Variants in SUPT20H observed in about 807,000 individuals in gnomAD.
The protein encoded by SUPT20H is SPT20 homolog, SAGA complex component.
A neutral mutation model predicts 122.8 loss-of-function variants in SUPT20H; 82 were observed. That is an observed-to-expected ratio of 0.67 (90% CI 0.56 to 0.80). SUPT20H has a LOEUF of 0.80. Ranked by LOEUF, SUPT20H falls within the 30% of genes least tolerant of loss-of-function variation. The pLI is 0.00. For synonymous variants in SUPT20H, 291 were observed against 313.0 expected (o/e 0.93, Z 0.74); for missense variants, 831 against 921.6 (o/e 0.90, Z 1.27).
At chr13:37,043,332 C>T (rs2065835760) in intron 7 of SUPT20H, among the ~76,000 whole-genome samples, 1 of 152,090 alleles carries the variant, frequency 6.6e-6, no homozygotes, top group Non-Finnish European at 1.5e-5. Flanking sequence ...GTAGAGTACA[C>T]AGTATGGCTG....
rs1365927807 is a variant in SUPT20H at position 37,040,541 on chromosome 13, A to C, written c.513+35T>G. 4 of 1,600,764 alleles carry C rather than the reference A, an allele frequency of 2.5e-6. 1 individual carries two copies. In the South Asian group the frequency reaches 4.5e-5, roughly 18 times the overall value. ...TCGATAAATAAAACTCCCAACTAAA[A>C]TCTAAAATAGTATTTCTTAATTAAA... is the stretch of plus-strand genomic sequence containing the variant. On this transcript the variant is annotated intron_variant, in intron 8 of 25. Transcript: ENST00000350612.
chr13:37,049,664 G>A (rs779312427), intron 2 of SUPT20H, among the ~76,000 whole-genome samples: 15 of 152,080 alleles, frequency 9.9e-5, no homozygotes, highest in African/African-American at 1.2e-4. Context: ...ACTTGAACCC[G>A]GGAGGCAGAG....
intron 14 of SUPT20H, among the ~76,000 whole-genome samples, chr13:37,027,761 T>A (rs886096588): frequency 3.1e-4 from 47 of 152,178 alleles, no homozygotes; most frequent in Non-Finnish European, 6.5e-4. Flanking sequence ...TGTCCTTACA[T>A]GCAGTGCCAA....
intron 24 of SUPT20H, among the ~76,000 whole-genome samples, chr13:37,011,447 TAA>T (rs2059610219): frequency 6.6e-6 from 1 of 152,184 alleles, no homozygotes; most frequent in Non-Finnish European, 1.5e-5. Flanking sequence ...ATTATCATTC[TAA>T]AAGACTTCTA....
intron 19 of SUPT20H, chr13:37,023,812 C>A: frequency 2.6e-6 from 1 of 378,596 alleles, no homozygotes; most frequent in Non-Finnish European, 4.6e-6. Flanking sequence ...AAGAAAGGTA[C>A]ACGCAGAATG....
At chr13:37,028,609 TATA>T (rs1380407474) in intron 13 of SUPT20H, among the ~76,000 whole-genome samples, 2 of 152,134 alleles carry the variant, frequency 1.3e-5, no homozygotes, top group East Asian at 1.9e-4. Flanking sequence ...TTGATATACA[TATA>T]ATAACAATGA....
chr13:37,047,382 A>G (rs2066681287), intron 5 of SUPT20H, 153 bp downstream of exon 5: 2 of 785,460 alleles, frequency 2.5e-6, no homozygotes, highest in Non-Finnish European at 3.6e-6. Flanking sequence ...CAGATTAGCC[A>G]GAGCTCTGAG....
intron 9 of SUPT20H, among the ~76,000 whole-genome samples, chr13:37,036,327 G>GT (rs35437054): frequency 0.56 from 70,155 of 126,090 alleles, 16,400 homozygotes; most frequent in Middle Eastern, 0.61. Flanking sequence ...TTAAACTGGA[G>GT]TTTTTTTTTT....
chr13:37,020,681 T>C (rs998051338), intron 21 of SUPT20H, among the ~76,000 whole-genome samples: 3 of 152,232 alleles, frequency 2.0e-5, no homozygotes, highest in African/African-American at 7.2e-5. Context: ...TGTTTAATTA[T>C]ATTCTCTAGG....
At chr13:37,048,680 T>TAAA in intron 2 of SUPT20H, 81 bp from the exon 3 acceptor site, 1 of 1,259,618 alleles carries the variant, frequency 7.9e-7, no homozygotes, top group Non-Finnish European at 1.1e-6. Context: ...TTTCTAATGT[T>TAAA]TTCTAAAACA....
chr13:37,009,903 A>G, intron 25 of SUPT20H, 94 bp from the exon 26 acceptor site: 8 of 1,493,412 alleles, frequency 5.4e-6, no homozygotes, highest in Admixed American at 4.8e-5. Flanking sequence ...CAACTGAAAA[A>G]GGGAGAAAGC....
At chr13:37,040,022 A>C (rs2065182803) in intron 9 of SUPT20H, 1 of 158,684 alleles carries the variant, frequency 6.3e-6, no homozygotes, top group Non-Finnish European at 1.4e-5. Flanking sequence ...TTTCAAGGCA[A>C]CCAGTATAAA....
At position 37,045,176 on chromosome 13, in the gene SUPT20H, CTACTT is replaced by C. The variant is rs1396065696; in HGVS notation, c.292+66_292+70del. ...ACAAATGCTTTAGCAGGTTAAAAAACTACTTTAAAAAAACCGCACATCCTGCCTAG... is the reference window on the plus strand; with the variant it reads ...ACAAATGCTTTAGCAGGTTAAAAAACTAAAAAAACCGCACATCCTGCCTAG... On this transcript the variant is annotated intron_variant, in intron 6 of 25. Coordinates refer to ENST00000350612, the MANE Select transcript of SUPT20H (RefSeq NM_001014286.3). The C allele has an allele frequency of 8.2e-6, 13 of 1,590,612 alleles. No individual in the cohort carries two copies. The East Asian group carries it at 2.9e-4, about 36-fold the overall frequency.
In SUPT20H at chr13:37,026,362, C is replaced by G. The variant is rs374797944; in HGVS notation, c.1179-126G>C. ...TAATATAAACTGGTATTAAATCTAC[C>G]AAGATATGAAAAAAATTTTTTTAAT... On this transcript the variant is annotated intron_variant, in intron 15 of 25. Coordinates refer to ENST00000350612, the MANE Select transcript of SUPT20H (RefSeq NM_001014286.3). 8 of 687,442 alleles carry G rather than the reference C, an allele frequency of 1.2e-5. No individual in the cohort carries two copies. The East Asian group carries it at 1.3e-4, about 11-fold the overall frequency. 42.6% of individuals were successfully genotyped at this position (687,442 alleles called of 1,614,324 possible). A position where few individuals can be genotyped will look rare whatever the true frequency, so the allele number is the denominator to read the frequency against.
At chr13:37,024,279 A>C in intron 18 of SUPT20H, 61 bp downstream of exon 18, 1 of 1,524,778 alleles carries the variant, frequency 6.6e-7, no homozygotes, top group Admixed American at 2.1e-5. Flanking sequence ...AGTTTTAAAA[A>C]GAGATTATGA....
intron 2 of SUPT20H, 75 bp from the exon 3 acceptor site, chr13:37,048,674 T>G (rs956085152): frequency 1.5e-6 from 2 of 1,304,912 alleles, no homozygotes; most frequent in African/African-American, 3.0e-5. Context: ...TTAACATTTC[T>G]AATGTTTTCT....
At chr13:37,040,955 GTCAACAGTTT>G (rs2065353586) in intron 7 of SUPT20H, among the ~76,000 whole-genome samples, 1 of 152,136 alleles carries the variant, frequency 6.6e-6, no homozygotes, top group African/African-American at 2.4e-5. Context: ...CATCTACCAA[GTCAACAGTTT>G]GACTTTTGGC....
At chr13:37,026,140 C>A (rs1417200837) in intron 16 of SUPT20H, 64 bp downstream of exon 16, 1 of 1,368,346 alleles carries the variant, frequency 7.3e-7, no homozygotes, top group African/African-American at 1.5e-5. Flanking sequence ...TATTCTCTAT[C>A]CTATAAGGGT....
At chr13:37,009,891 C>T in intron 25 of SUPT20H, 82 bp from the exon 26 acceptor site, 2 of 1,523,562 alleles carry the variant, frequency 1.3e-6, no homozygotes, top group Non-Finnish European at 8.8e-7. Flanking sequence ...GACGAAACAA[C>T]ACAACTGAAA....
Sources: gnomAD v4.1 joint callset for allele counts (sites outside exome capture counted in the v4.1 genomes callset) on GRCh38, gnomAD v4.1.1 for gene constraint, MANE v1.5 for transcripts, NCBI Gene and HGNC (gene_info 2026-07-23, HGNC 2026-07-21) for gene names.